FAM107B: variants seen among roughly 807,000 people sequenced by gnomAD.
The protein encoded by FAM107B is protein FAM107B.
A neutral mutation model predicts 31.5 loss-of-function variants in FAM107B; 21 were observed. The observed-to-expected ratio is 0.67, with a 90% confidence interval of 0.47 to 0.96. The LOEUF (loss-of-function observed/expected upper bound fraction) is 0.96, where lower values mean the gene tolerates loss of function less well. FAM107B is among the 40% of genes least tolerant of loss of function. The pLI is 0.00. For missense variants in FAM107B, 452 were observed against 377.1 expected (o/e 1.20, Z -1.64); for synonymous variants, 157 against 141.5 (o/e 1.11, Z -0.78).
chr10:14,633,951 G>A (rs1853431487), intron 2 of FAM107B, among the ~76,000 whole-genome samples: 1 of 152,282 alleles, frequency 6.6e-6, no homozygotes, highest in East Asian at 1.9e-4. Context: ...TAATGACCAA[G>A]CCTCAACTCA....
intron 2 of FAM107B, among the ~76,000 whole-genome samples, chr10:14,630,380 G>A (rs1451832620): frequency 6.6e-6 from 1 of 151,236 alleles, no homozygotes; most frequent in Non-Finnish European, 1.5e-5. Context: ...GCCTACAAGT[G>A]CCCACTGCTC....
chr10:14,689,933 C>T (rs1354820908), intron 1 of FAM107B, among the ~76,000 whole-genome samples: 6 of 151,154 alleles, frequency 4.0e-5, no homozygotes, highest in African/African-American at 1.2e-4. Flanking sequence ...CACAGCACTC[C>T]AGCCTCGGTG....
chr10:14,576,131 G>C (rs1851456038), intron 2 of FAM107B, among the ~76,000 whole-genome samples: 1 of 152,176 alleles, frequency 6.6e-6, no homozygotes, highest in African/African-American at 2.4e-5. Context: ...GTTTTGGTTT[G>C]GGATGATGAA....
At chr10:14,601,651 C>T (rs1306786229) in intron 2 of FAM107B, among the ~76,000 whole-genome samples, 3 of 152,158 alleles carry the variant, frequency 2.0e-5, no homozygotes, top group Non-Finnish European at 4.4e-5. Flanking sequence ...ACAACTCCCC[C>T]AGATAGCCGG....
intron 2 of FAM107B, among the ~76,000 whole-genome samples, chr10:14,547,339 T>G (rs1848790018): frequency 6.6e-6 from 1 of 152,208 alleles, no homozygotes. Flanking sequence ...GTTTGTTTCC[T>G]TACTGGTAAA....
chr10:14,562,628 C>G (rs1201671997), intron 2 of FAM107B, among the ~76,000 whole-genome samples: 17 of 152,208 alleles, frequency 1.1e-4, no homozygotes, highest in Non-Finnish European at 1.5e-5. Flanking sequence ...CTGGAAGTAG[C>G]AATCCTTTAC....
intron 1 of FAM107B, among the ~76,000 whole-genome samples, chr10:14,772,850 CAGAA>C (rs1184667831): frequency 6.6e-6 from 1 of 152,162 alleles, no homozygotes; most frequent in Non-Finnish European, 1.5e-5. Flanking sequence ...GCAACTAAAA[CAGAA>C]AGATAAAATC....
At chr10:14,671,699 A>G (rs1349142874) in intron 1 of FAM107B, among the ~76,000 whole-genome samples, 3 of 152,074 alleles carry the variant, frequency 2.0e-5, no homozygotes, top group African/African-American at 7.2e-5. Flanking sequence ...TGTAGGCACC[A>G]CCTTGTTATC....
At chr10:14,542,936 T>C (rs1310015512) in intron 2 of FAM107B, among the ~76,000 whole-genome samples, 1 of 152,252 alleles carries the variant, frequency 6.6e-6, no homozygotes, top group Non-Finnish European at 1.5e-5. Flanking sequence ...AATTAGTTCA[T>C]TAATATGCAG....
chr10:14,603,804 T>C (rs1157690452), intron 2 of FAM107B, among the ~76,000 whole-genome samples: 2 of 151,618 alleles, frequency 1.3e-5, no homozygotes, highest in Non-Finnish European at 2.9e-5. Flanking sequence ...TTTGTCTGCC[T>C]GGCGGGGGCT....
intron 1 of FAM107B, among the ~76,000 whole-genome samples, chr10:14,669,594 T>C (rs1420436851): frequency 6.6e-6 from 1 of 152,190 alleles, no homozygotes; most frequent in Non-Finnish European, 1.5e-5. Flanking sequence ...ACTCTGTCAT[T>C]TGCAGCAACA....
chr10:14,767,055 TAGAGAG>T (rs1186875187), intron 1 of FAM107B, among the ~76,000 whole-genome samples: 316 of 18,166 alleles, frequency 0.017, 5 homozygotes, highest in African/African-American at 0.039. Context: ...TATATATATA[TAGAGAG>T]AGAGAGAGAG....
chr10:14,603,930 G>A lies in FAM107B; in HGVS notation c.469+63704C>T, dbSNP rs552520585. On this transcript the variant is annotated intron_variant, in intron 2 of 4. Coordinates refer to ENST00000181796, the MANE Select transcript of FAM107B (RefSeq NM_031453.4). ...ACCGCGCCGGGTAGGGCTCCCCCGC[G>A]GCAGCGCCGAGAAGGCAACAATGAG... Among the ~76,000 whole-genome samples, 1,389 of 150,392 alleles carry A rather than the reference G, an allele frequency of 9.2e-3. 17 individuals carry two copies. Among genetic ancestry groups the A allele is most frequent in the African/African-American group, 0.032 (1,307 of 41,312 alleles).
chr10:14,697,999 C>T (rs186793812), intron 1 of FAM107B, among the ~76,000 whole-genome samples: 1 of 152,090 alleles, frequency 6.6e-6, no homozygotes, highest in Non-Finnish European at 1.5e-5. Flanking sequence ...GTGGCACGTG[C>T]CTGTAGTCCC....
At chr10:14,561,290 G>A (rs897761795) in intron 2 of FAM107B, among the ~76,000 whole-genome samples, 2 of 152,220 alleles carry the variant, frequency 1.3e-5, no homozygotes, top group African/African-American at 2.4e-5. Context: ...GACAAACCGA[G>A]GGAAATATAG....
Position 14,594,651 on chromosome 10 carries a change from G to C in FAM107B, c.470-64136C>G, listed in dbSNP as rs1338024191. ...CAGTAAAGACACAGCTCCATGAGAA[G>C]AAGGCCCAAGTCTGATCCCAGCTCT... On this transcript the variant is annotated intron_variant, in intron 2 of 4. Coordinates refer to ENST00000181796, the MANE Select transcript of FAM107B (RefSeq NM_031453.4). 2.0e-5 allele frequency among the ~76,000 whole-genome samples: 3 copies of C among 152,300 alleles called. No homozygotes were observed. The South Asian group carries it at 6.2e-4, about 32-fold the overall frequency.
chr10:14,539,856 C>T (rs1472508139), intron 2 of FAM107B, among the ~76,000 whole-genome samples: 1 of 152,184 alleles, frequency 6.6e-6, no homozygotes, highest in Non-Finnish European at 1.5e-5. Flanking sequence ...CCCTCACTTC[C>T]TCTACTCCTG....
At chr10:14,654,408 C>T (rs1180156271) in intron 2 of FAM107B, among the ~76,000 whole-genome samples, 1 of 152,124 alleles carries the variant, frequency 6.6e-6, no homozygotes, top group Non-Finnish European at 1.5e-5. Flanking sequence ...TACAGCTATG[C>T]ATTAATTCAT....
intron 2 of FAM107B, among the ~76,000 whole-genome samples, chr10:14,566,805 G>A (rs1850705925): frequency 2.0e-5 from 3 of 152,366 alleles, no homozygotes; most frequent in Non-Finnish European, 2.9e-5. Flanking sequence ...AGATAGGAGA[G>A]ACCTGAGCAC....
Sources: allele counts gnomAD v4.1 joint callset (sites outside exome capture counted in the v4.1 genomes callset), GRCh38; gene constraint gnomAD v4.1.1; transcripts MANE v1.5; gene names NCBI Gene and HGNC (gene_info 2026-07-23, HGNC 2026-07-21).